The following PDE4A variants were observed in gnomAD, a reference collection of about 807,000 sequenced individuals.
PDE4A encodes 3',5'-cyclic-AMP phosphodiesterase 4A.
PDE4A carries 21 observed loss-of-function variants against 73.9 expected under a neutral mutation model. That is an observed-to-expected ratio of 0.28 (90% CI 0.20 to 0.41). PDE4A has a LOEUF of 0.41. Ranked by LOEUF, PDE4A falls within the 10% of genes least tolerant of loss-of-function variation. The pLI, the probability that PDE4A is intolerant of heterozygous loss-of-function variation, is 1.00. For missense variants in PDE4A, 958 were observed against 1,211.4 expected, an observed-to-expected ratio of 0.79 and a Z score of 3.10; for synonymous variants, 463 against 505.4, an observed-to-expected ratio of 0.92 and a Z score of 1.13.
At chr19:10,456,526 A>C (rs1022950781) in intron 7 of PDE4A, among the ~76,000 whole-genome samples, 3 of 147,790 alleles carry the variant, frequency 2.0e-5, no homozygotes, top group African/African-American at 7.5e-5. Flanking sequence ...ACTCCATCTC[A>C]AAAAAAAAAT....
At chr19:10,455,465 C>CAA (rs35368894) in intron 7 of PDE4A, among the ~76,000 whole-genome samples, 4,291 of 117,130 alleles carry the variant, frequency 0.037, 110 homozygotes, top group Middle Eastern at 0.064. Context: ...ACTCTTGTCT[C>CAA]AAAAAAAAAA....
At chr19:10,422,787 G>A (rs1010527295) in intron 1 of PDE4A, among the ~76,000 whole-genome samples, 3 of 152,146 alleles carry the variant, frequency 2.0e-5, no homozygotes, top group African/African-American at 7.2e-5. Context: ...ACTGGAGAGA[G>A]GCTGAAGGAA....
chr19:10,449,195 C>T, intron 4 of PDE4A, 45 bp downstream of exon 4: 1 of 1,593,764 alleles, frequency 6.3e-7, no homozygotes, highest in Non-Finnish European at 8.6e-7. Flanking sequence ...TAAGGTGAAG[C>T]ATATGCGGGT....
rs867168571 is a variant in PDE4A, at chr19:10,437,047, T to C, written c.321-9171T>C. Among the ~76,000 whole-genome samples, 17 of 152,126 alleles carry C rather than the reference T, an allele frequency of 1.1e-4. No individual in the cohort carries two copies. In the South Asian group the frequency reaches 1.2e-3, roughly 11 times the overall value. ...AGTGAGACTCCATCTCAAAAATAAATAAATAAATAAATAAATGGACATTAT... is the reference window on the plus strand; with the variant it reads ...AGTGAGACTCCATCTCAAAAATAAACAAATAAATAAATAAATGGACATTAT... On this transcript the variant is annotated intron_variant, in intron 1 of 14. Transcript: ENST00000380702.
Position 10,464,076 on chromosome 19 carries a change from C to T in PDE4A, c.1926+101C>T, listed in dbSNP as rs1599460746. 3.5e-6 allele frequency: 5 copies of T among 1,446,100 alleles called. No individual in the cohort carries two copies. In the East Asian group the frequency reaches 1.2e-4, roughly 35 times the overall value. The allele number at this position is 1,446,100 out of a possible 1,614,324, so 89.6% of individuals were successfully genotyped here. Reference sequence around the variant, plus strand: ...CAGGAGCTCCTCCCCTGCCTTTCCACAATGCCAAGTTGTCCTGTTTTTGGT... The same window carrying T: ...CAGGAGCTCCTCCCCTGCCTTTCCATAATGCCAAGTTGTCCTGTTTTTGGT... On this transcript the variant is annotated intron_variant, in intron 14 of 14. Coordinates refer to ENST00000380702, the MANE Select transcript of PDE4A (RefSeq NM_001111307.2).
At position 10,457,945 on chromosome 19, in the gene PDE4A, G is replaced by A. The variant is rs375503434; in HGVS notation, c.944G>A (p.Arg315Gln). ...MKEREKQQAP[R>Q]PRPSQPPPPP... ...GAACGAGAAAAACAGCAAGCGCCGCGACCAAGACCCTCCCAGCCGCCCCCG... is the reference window on the plus strand; with the variant it reads ...GAACGAGAAAAACAGCAAGCGCCGCAACCAAGACCCTCCCAGCCGCCCCCG... The change falls in exon 8 of 15, where the codon CGA (arginine) becomes CAA (glutamine). Residue 315 changes from arginine to glutamine, a missense_variant. Around this residue, in one of 3 missense-constraint regions of PDE4A, gnomAD observed 570 missense variants for 827.7 expected, o/e 0.69. Transcript: ENST00000380702. 147 of 1,613,226 alleles carry A rather than the reference G, an allele frequency of 9.1e-5. 1 individual carries two copies. The highest frequency in any genetic ancestry group is 2.1e-4 in the South Asian group (19 of 91,036).
intron 1 of PDE4A, among the ~76,000 whole-genome samples, chr19:10,433,389 A>G (rs920934851): frequency 2.6e-5 from 4 of 152,110 alleles, no homozygotes; most frequent in Admixed American, 6.5e-5. Flanking sequence ...TCACAAAAAT[A>G]CACACCCAGG....
At position 10,427,561 on chromosome 19, in the gene PDE4A, C is replaced by T. The variant is rs192179108; in HGVS notation, c.320+6477C>T. The T allele has an allele frequency of 9.0e-5, 89 of 985,340 alleles. No individual in the cohort carries two copies. In the African/African-American group the frequency reaches 1.3e-3, roughly 14 times the overall value. 61.0% of individuals were successfully genotyped at this position (985,340 alleles called of 1,614,324 possible). A position where few individuals can be genotyped will look rare whatever the true frequency, so the allele number is the denominator to read the frequency against. On this transcript the variant is annotated intron_variant, in intron 1 of 14. Coordinates refer to ENST00000380702, the MANE Select transcript of PDE4A (RefSeq NM_001111307.2). ...TCAGTTTACATCTGGCTTCCTAGGA[C>T]GGGACAAGCATCATTGGGCTGGAAG...
At chr19:10,440,743 C>T (rs1041575161) in intron 1 of PDE4A, among the ~76,000 whole-genome samples, 5 of 152,126 alleles carry the variant, frequency 3.3e-5, no homozygotes, top group African/African-American at 1.2e-4. Flanking sequence ...GGATTACAGG[C>T]ACATGGCACC....
At position 10,463,924 on chromosome 19, in the gene PDE4A, G is replaced by A; in HGVS notation, c.1875G>A (p.Met625Ile). The change falls in exon 14 of 15, where the codon ATG becomes ATA. Residue 625 changes from methionine to isoleucine, a missense_variant. Around this residue, in one of 3 missense-constraint regions of PDE4A, gnomAD observed 570 missense variants for 827.7 expected, o/e 0.69. Transcript: ENST00000380702. ...GTGACCGAGAGCGCGAGCGTGGCAT[G>A]GAAATCAGCCCCATGTGTGACAAGC... ...QQGDRERERG[M>I]EISPMCDKHT... 1 of 1,614,102 alleles carries A rather than the reference G, an allele frequency of 6.2e-7. No homozygotes were observed. Among genetic ancestry groups the A allele is most frequent in the Non-Finnish European group, 8.5e-7 (1 of 1,180,012 alleles).
intron 13 of PDE4A, among the ~76,000 whole-genome samples, chr19:10,462,440 C>T (rs1599457410): frequency 2.0e-5 from 3 of 148,938 alleles, no homozygotes; most frequent in Non-Finnish European, 1.5e-5. Flanking sequence ...GGATTACAGG[C>T]GTGAGCCACC....
In PDE4A at chr19:10,453,624, G is replaced by A. The variant is rs1458321760; in HGVS notation, c.784-1205G>A. Among the ~76,000 whole-genome samples, 1 of 152,090 alleles carries A rather than the reference G, an allele frequency of 6.6e-6. No individual in the cohort carries two copies. The highest frequency in any genetic ancestry group is 1.5e-5 in the Non-Finnish European group (1 of 68,006). The stretch of plus-strand genomic sequence containing the variant: ...TAGGCTTGTTTGCCTGGGTCACTGT[G>A]TGGCCCTGTCTGAGATCATCTGGCT... On this transcript the variant is annotated intron_variant, in intron 6 of 14. Transcript: ENST00000380702. This position sits in a 1 kb window ranked among gnomAD's most constrained non-coding sequence, Gnocchi z 4.6.
At chr19:10,435,491 G>A (rs936959363) in intron 1 of PDE4A, among the ~76,000 whole-genome samples, 2 of 151,770 alleles carry the variant, frequency 1.3e-5, no homozygotes, top group South Asian at 4.1e-4. Flanking sequence ...AGCCTGGGAG[G>A]CTGAGGCTGC....
chr19:10,418,795 C>T (rs1442770020), upstream of PDE4A: 3 of 985,226 alleles, frequency 3.0e-6, no homozygotes, highest in African/African-American at 5.2e-5. Flanking sequence ...AACGTTACAG[C>T]ATACCCCGCC....
chr19:10,430,542 C>G (rs1014179113), intron 1 of PDE4A, among the ~76,000 whole-genome samples: 6 of 152,060 alleles, frequency 3.9e-5, no homozygotes, highest in Admixed American at 2.0e-4. Flanking sequence ...GGGGAGTTTG[C>G]AGGAGTGTCC....
intron 1 of PDE4A, among the ~76,000 whole-genome samples, chr19:10,425,921 A>G (rs1159843412): frequency 7.9e-6 from 1 of 126,212 alleles, no homozygotes; most frequent in Non-Finnish European, 1.6e-5. Flanking sequence ...TGGAAGGCGG[A>G]GGTTGCGGTG....
Position 10,450,810 on chromosome 19 carries a change from C to T in PDE4A, c.671-19C>T, listed in dbSNP as rs1461283991. The T allele has an allele frequency of 5.0e-6, 8 of 1,595,232 alleles. No individual in the cohort carries two copies. Among genetic ancestry groups the T allele is most frequent in the Non-Finnish European group, 6.8e-6 (8 of 1,171,188 alleles). ...CCTACAGACCTTCTCAGTCACTACC[C>T]TGGCTGCCCCTTCCTTAGAAGAAAC... is the stretch of plus-strand genomic sequence containing the variant. On this transcript the variant is annotated intron_variant, in intron 5 of 14. Coordinates refer to ENST00000380702, the MANE Select transcript of PDE4A (RefSeq NM_001111307.2).
At chr19:10,460,933 A>G in intron 10 of PDE4A, 71 bp from the exon 11 acceptor site, 1 of 1,505,472 alleles carries the variant, frequency 6.6e-7, no homozygotes. Flanking sequence ...TAAGTAGGTG[A>G]GACAAACAGG....
chr19:10,461,204 G>A, intron 11 of PDE4A, 101 bp downstream of exon 11: 1 of 1,464,788 alleles, frequency 6.8e-7, no homozygotes, highest in Non-Finnish European at 9.1e-7. Context: ...TGGCTGGCCT[G>A]GGGGCGGGGC....
Sources: allele counts gnomAD v4.1 joint callset (sites outside exome capture counted in the v4.1 genomes callset), GRCh38; gene constraint gnomAD v4.1.1; regional missense constraint gnomAD v4.1.1; non-coding constraint Gnocchi (gnomAD v3.1); transcripts MANE v1.5; gene names NCBI Gene and HGNC (gene_info 2026-07-23, HGNC 2026-07-21).